TEKT5: variants seen among roughly 807,000 people sequenced by gnomAD.
TEKT5 encodes tektin 5.
In TEKT5, 52 loss-of-function variants were observed where a neutral mutation model predicts 48.7. The observed-to-expected ratio is 1.07, with a 90% CI of 0.86 to 1.35. The LOEUF is 1.35. Ranked by LOEUF, TEKT5 falls within the 40% of genes most tolerant of loss-of-function variation. TEKT5 has a pLI of 0.00. For synonymous variants in TEKT5, 318 were observed against 267.6 expected (o/e 1.19, Z -1.84); for missense variants, 831 against 641.6 (o/e 1.30, Z -3.19).
chr16:10,648,975 G>T (rs2541548), intron 5 of TEKT5, among the ~76,000 whole-genome samples: 15,830 of 152,154 alleles, frequency 0.1, 931 homozygotes, highest in African/African-American at 0.17. Flanking sequence ...TTAGAGACAA[G>T]TTCTCTCTCT....
intron 6 of TEKT5, among the ~76,000 whole-genome samples, chr16:10,628,356 G>C (rs1897786194): frequency 6.6e-6 from 1 of 152,204 alleles, no homozygotes; most frequent in African/African-American, 2.4e-5. Flanking sequence ...AACAGGATAG[G>C]AGACCAATCT....
chr16:10,656,635 C>T (rs12597695), intron 5 of TEKT5, among the ~76,000 whole-genome samples: 2 of 152,190 alleles, frequency 1.3e-5, no homozygotes, highest in African/African-American at 2.4e-5. Flanking sequence ...ATACAAACAC[C>T]TGAGATATAA....
chr16:10,644,307 T>C (rs1335214608), intron 5 of TEKT5, among the ~76,000 whole-genome samples: 5 of 152,212 alleles, frequency 3.3e-5, no homozygotes, highest in African/African-American at 2.4e-5. Context: ...AGAGAGGAGC[T>C]GTAAACAGCT....
intron 5 of TEKT5, among the ~76,000 whole-genome samples, chr16:10,644,602 T>C (rs1898042988): frequency 6.6e-6 from 1 of 152,142 alleles, no homozygotes; most frequent in Admixed American, 6.5e-5. Flanking sequence ...TCTATTTGTC[T>C]GCATGAATCA....
intron 5 of TEKT5, among the ~76,000 whole-genome samples, chr16:10,659,570 G>A (rs1032107627): frequency 1.3e-5 from 2 of 152,040 alleles, no homozygotes; most frequent in South Asian, 2.1e-4. Context: ...TAGTAGAGAT[G>A]GGGTTTCACC....
At chr16:10,693,963 C>A (rs2883615) in intron 1 of TEKT5, among the ~76,000 whole-genome samples, 8 of 151,950 alleles carry the variant, frequency 5.3e-5, no homozygotes, top group African/African-American at 1.9e-4. Flanking sequence ...GAGGGAGACT[C>A]TGTGTAAAAA....
At chr16:10,631,272 A>AG (rs1415385457) in intron 6 of TEKT5, among the ~76,000 whole-genome samples, 14 of 128,854 alleles carry the variant, frequency 1.1e-4, no homozygotes, top group African/African-American at 3.3e-4. Flanking sequence ...AAAAAAAAAA[A>AG]AGAGAGAGAG....
Position 10,627,817 on chromosome 16 carries a change from G to C in TEKT5, c.1242-18C>G. Reference sequence around the variant, plus strand: ...TCACCAGCCTGGGGTGAGGGCAGAGGAGAAGGCACAGGTTATTCATTTATT... The same window carrying C: ...TCACCAGCCTGGGGTGAGGGCAGAGCAGAAGGCACAGGTTATTCATTTATT... On this transcript the variant is annotated intron_variant, in intron 6 of 6. Transcript: ENST00000283025. 1 of 1,606,668 alleles carries C rather than the reference G, an allele frequency of 6.2e-7. No homozygotes were observed. Among genetic ancestry groups the C allele is most frequent in the South Asian group, 1.1e-5 (1 of 90,898 alleles).
chr16:10,683,451 C>G (rs1898796334), intron 3 of TEKT5, among the ~76,000 whole-genome samples: 2 of 152,152 alleles, frequency 1.3e-5, no homozygotes, highest in Non-Finnish European at 2.9e-5. Context: ...GCCAGGAGGG[C>G]TGGTTGGTAT....
chr16:10,657,119 CTT>C (rs57742183), intron 5 of TEKT5, among the ~76,000 whole-genome samples: 3,550 of 135,452 alleles, frequency 0.026, 129 homozygotes, highest in African/African-American at 0.092. Context: ...TTAGGTCTGC[CTT>C]TTTTTTTTTT....
At chr16:10,663,961 T>A (rs1898417360) in intron 5 of TEKT5, among the ~76,000 whole-genome samples, 1 of 152,210 alleles carries the variant, frequency 6.6e-6, no homozygotes, top group Non-Finnish European at 1.5e-5. Context: ...GTTGAGAGGC[T>A]GTCTGAGGTC....
chr16:10,632,823 G>A (rs1317685689), intron 6 of TEKT5, among the ~76,000 whole-genome samples: 2 of 150,380 alleles, frequency 1.3e-5, no homozygotes, highest in Non-Finnish European at 2.9e-5. Flanking sequence ...GCTCAATTCC[G>A]AAGACAGCCA....
intron 5 of TEKT5, among the ~76,000 whole-genome samples, chr16:10,671,958 G>C (rs144470462): frequency 1.3e-4 from 20 of 152,296 alleles, no homozygotes; most frequent in African/African-American, 1.2e-4. Context: ...AATTCAAGAT[G>C]AGATCTGGGT....
At chr16:10,674,170 C>G (rs1898599881) in intron 5 of TEKT5, among the ~76,000 whole-genome samples, 1 of 152,126 alleles carries the variant, frequency 6.6e-6, no homozygotes, top group African/African-American at 2.4e-5. Context: ...TTGCTGCTCT[C>G]TCCGGAATCC....
In TEKT5 at chr16:10,687,237, TGTGAG is replaced by T. The variant is rs1379444967; in HGVS notation, c.719+2011_719+2015del. Among the ~76,000 whole-genome samples the T allele has an allele frequency of 3.3e-5, 5 of 152,186 alleles. No individual in the cohort carries two copies. In the South Asian group the frequency reaches 1.0e-3, roughly 32 times the overall value. The stretch of plus-strand genomic sequence containing the variant: ...GTGTTCTCATCACAAAAAATAAGTA[TGTGAG>T]GTAACATATATGTTAATTAGTTCCA... On this transcript the variant is annotated intron_variant, in intron 3 of 6. Transcript: ENST00000283025.
chr16:10,649,995 C>A (rs940785604), intron 5 of TEKT5, among the ~76,000 whole-genome samples: 4 of 152,052 alleles, frequency 2.6e-5, no homozygotes, highest in African/African-American at 9.7e-5. Flanking sequence ...TTCTCCACCA[C>A]CCCCAACCCC....
intron 4 of TEKT5, 110 bp downstream of exon 4, chr16:10,681,883 A>G: frequency 2.1e-6 from 3 of 1,412,210 alleles, no homozygotes; most frequent in Non-Finnish European, 2.9e-6. Flanking sequence ...CAACCATGCC[A>G]CTTCCCACTT....
intron 5 of TEKT5, among the ~76,000 whole-genome samples, chr16:10,668,474 A>G (rs2541508): frequency 0.34 from 51,535 of 151,996 alleles, 9,954 homozygotes; most frequent in East Asian, 0.54. Flanking sequence ...TGCAGGCTCC[A>G]GTGCTGGAAG....
intron 6 of TEKT5, 54 bp from the exon 7 acceptor site, chr16:10,627,853 T>A: frequency 6.5e-7 from 1 of 1,532,900 alleles, no homozygotes; most frequent in Non-Finnish European, 8.9e-7. Context: ...TTTATTTGTT[T>A]ATTTTTTGAG....
Sources: allele counts gnomAD v4.1 joint callset (sites outside exome capture counted in the v4.1 genomes callset), GRCh38; gene constraint gnomAD v4.1.1; transcripts MANE v1.5; gene names NCBI Gene and HGNC (gene_info 2026-07-23, HGNC 2026-07-21).